CHD9: variants seen among roughly 807,000 people sequenced by gnomAD.
CHD9 encodes ATP-dependent chromatin remodeler CHD9.
A neutral mutation model predicts 316.1 loss-of-function variants in CHD9; 77 were observed. That is an observed-to-expected ratio of 0.24 (90% confidence interval 0.20 to 0.29). The LOEUF (loss-of-function observed/expected upper bound fraction) is 0.29, where lower values mean the gene tolerates loss of function less well. Ranked by LOEUF, CHD9 falls within the 10% of genes least tolerant of loss-of-function variation. CHD9 has a pLI of 1.00. For missense variants in CHD9, 2,763 were observed against 3,438.1 expected (o/e 0.80, Z 4.91); for synonymous variants, 1,129 against 1,158.3 (o/e 0.97, Z 0.51).
chr16:53,272,923 T>TA (rs959171773), intron 22 of CHD9, among the ~76,000 whole-genome samples: 49 of 152,238 alleles, frequency 3.2e-4, no homozygotes, highest in African/African-American at 1.1e-3. Context: ...ACCCTATCTC[T>TA]ACTAAAATTA....
intron 24 of CHD9, among the ~76,000 whole-genome samples, chr16:53,276,871 A>G (rs976195344): frequency 6.6e-6 from 1 of 152,178 alleles, no homozygotes; most frequent in African/African-American, 2.4e-5. Flanking sequence ...AGATTAACCA[A>G]GAAAAGAAGA....
intron 2 of CHD9, among the ~76,000 whole-genome samples, chr16:53,161,084 CA>C (rs557104161): frequency 7.0e-4 from 105 of 150,928 alleles, no homozygotes; most frequent in African/African-American, 2.3e-3. Flanking sequence ...GACCCTGTCT[CA>C]AAAAAAGGAA....
chr16:53,310,302 C>G (rs1009327408), intron 34 of CHD9, among the ~76,000 whole-genome samples: 3 of 151,884 alleles, frequency 2.0e-5, no homozygotes, highest in Non-Finnish European at 4.4e-5. Flanking sequence ...TTACAATTAA[C>G]AATTTTGTTA....
intron 13 of CHD9, among the ~76,000 whole-genome samples, chr16:53,244,018 A>G (rs2049336387): frequency 6.6e-6 from 1 of 152,142 alleles, no homozygotes. Context: ...TTGCTGCCAT[A>G]TACATAATGT....
At chr16:53,310,330 T>G (rs1385096341) in intron 34 of CHD9, among the ~76,000 whole-genome samples, 2 of 152,174 alleles carry the variant, frequency 1.3e-5, no homozygotes, top group African/African-American at 4.8e-5. Flanking sequence ...AGCCCTTTTT[T>G]TTTTTCACCA....
chr16:53,186,786 T>G (rs775389471), intron 2 of CHD9, among the ~76,000 whole-genome samples: 193 of 152,330 alleles, frequency 1.3e-3, no homozygotes, highest in Non-Finnish European at 1.8e-3. Flanking sequence ...TATAAGAGGA[T>G]TCCCCCTTTG....
chr16:53,077,837 G>A (rs1197430963), intron 1 of CHD9, among the ~76,000 whole-genome samples: 2 of 151,398 alleles, frequency 1.3e-5, no homozygotes, highest in Non-Finnish European at 2.9e-5. Flanking sequence ...ACTTTGGGAG[G>A]CCAAGTCAGG....
At chr16:53,192,611 A>C (rs911488414) in intron 2 of CHD9, among the ~76,000 whole-genome samples, 3 of 152,178 alleles carry the variant, frequency 2.0e-5, no homozygotes, top group African/African-American at 7.2e-5. Context: ...TATTGCTCTC[A>C]TCCCCACAAT....
chr16:53,122,754 T>C (rs928774283), intron 1 of CHD9, among the ~76,000 whole-genome samples: 1 of 152,078 alleles, frequency 6.6e-6, no homozygotes, highest in Non-Finnish European at 1.5e-5. Context: ...TCGCCCAGGC[T>C]GGAGTGCAGT....
At chr16:53,204,839 A>G (rs914211294) in intron 2 of CHD9, among the ~76,000 whole-genome samples, 1 of 151,640 alleles carries the variant, frequency 6.6e-6, no homozygotes, top group Non-Finnish European at 1.5e-5. Flanking sequence ...TTTTGTTTAT[A>G]TGTTTGTTTG....
intron 24 of CHD9, among the ~76,000 whole-genome samples, chr16:53,279,532 G>T (rs1298401749): frequency 1.3e-5 from 2 of 152,044 alleles, no homozygotes; most frequent in East Asian, 3.9e-4. Context: ...ACTAGAGATG[G>T]ATCATGGACT....
intron 4 of CHD9, among the ~76,000 whole-genome samples, chr16:53,225,776 A>G: frequency 6.6e-6 from 1 of 152,074 alleles, no homozygotes; most frequent in East Asian, 1.9e-4. Context: ...AATATTTTAT[A>G]TTATGTTATT....
intron 1 of CHD9, among the ~76,000 whole-genome samples, chr16:53,077,005 T>C (rs1353237582): frequency 6.6e-6 from 1 of 150,672 alleles, no homozygotes; most frequent in Non-Finnish European, 1.5e-5. Flanking sequence ...GTTTTGTTTT[T>C]GAGATGGAGT....
At chr16:53,271,959 C>A (rs976142500) in intron 22 of CHD9, among the ~76,000 whole-genome samples, 49 of 151,658 alleles carry the variant, frequency 3.2e-4, no homozygotes, top group African/African-American at 1.1e-3. Flanking sequence ...ATCATTCCAG[C>A]AAAACAAAGA....
At chr16:53,287,265 A>G (rs1032000441) in intron 26 of CHD9, among the ~76,000 whole-genome samples, 1 of 152,164 alleles carries the variant, frequency 6.6e-6, no homozygotes, top group Admixed American at 6.5e-5. Flanking sequence ...GCCATCATGG[A>G]CCAGCTTTTT....
chr16:53,117,264 G>A (rs76409536), intron 1 of CHD9, among the ~76,000 whole-genome samples: 1,621 of 152,166 alleles, frequency 0.011, 38 homozygotes, highest in African/African-American at 0.038. Context: ...AATTTAGGAA[G>A]TCCTGTATGA....
Position 53,317,957 on chromosome 16 carries a change from TGA to T in CHD9, c.7585-253_7585-252del, listed in dbSNP as rs570093652. Among the ~76,000 whole-genome samples the T allele has an allele frequency of 3.5e-4, 54 of 152,154 alleles. 1 individual carries two copies. The highest frequency in any genetic ancestry group is 1.1e-3 in the African/African-American group (47 of 41,518). On this transcript the variant is annotated intron_variant, in intron 36 of 38. Transcript: ENST00000447540. ...CTGTAGTCCCAGCTACTTGAGAGGC[TGA>T]GGTGGGAGGATCACTTGAGCCTGGG...
At chr16:53,207,830 T>A (rs1324729859) in intron 2 of CHD9, among the ~76,000 whole-genome samples, 2 of 152,206 alleles carry the variant, frequency 1.3e-5, no homozygotes, top group Non-Finnish European at 2.9e-5. Context: ...TTTAAAACTT[T>A]ACTGCAGGAA....
chr16:53,117,451 G>A (rs756475019), intron 1 of CHD9, among the ~76,000 whole-genome samples: 5 of 151,776 alleles, frequency 3.3e-5, no homozygotes, highest in Admixed American at 6.6e-5. Flanking sequence ...ATCTCACTCT[G>A]TTGCCTAGGC....
Sources: gnomAD v4.1 joint callset for allele counts (sites outside exome capture counted in the v4.1 genomes callset) on GRCh38, gnomAD v4.1.1 for gene constraint, MANE v1.5 for transcripts, NCBI Gene and HGNC (gene_info 2026-07-23, HGNC 2026-07-21) for gene names.